C10orf90: variants seen among roughly 807,000 people sequenced by gnomAD.
C10orf90 encodes the protein chromosome 10 open reading frame 90.
C10orf90 carries 56 observed loss-of-function variants against 62.5 expected under a neutral mutation model. That is an observed-to-expected ratio of 0.90 (90% CI 0.72 to 1.12). The LOEUF (loss-of-function observed/expected upper bound fraction) is 1.12, where lower values mean the gene tolerates loss of function less well. C10orf90 is among the 50% of genes most tolerant of loss of function. The pLI is 0.00. For synonymous variants in C10orf90, 386 were observed against 340.4 expected, an observed-to-expected ratio of 1.13 and a Z score of -1.47; for missense variants, 970 against 880.4, an observed-to-expected ratio of 1.10 and a Z score of -1.29.
intron 3 of C10orf90, among the ~76,000 whole-genome samples, chr10:126,510,571 T>C (rs775094460): frequency 1.1e-4 from 17 of 152,226 alleles, no homozygotes; most frequent in Admixed American, 2.0e-4. Flanking sequence ...AACGTTCGCA[T>C]TGGAGAGAGG....
chr10:126,566,501 G>A (rs1408272592), intron 2 of C10orf90, among the ~76,000 whole-genome samples: 1 of 152,206 alleles, frequency 6.6e-6, no homozygotes, highest in Non-Finnish European at 1.5e-5. Flanking sequence ...TACTGGGGCA[G>A]CCTTGCTGGA....
At chr10:126,563,172 C>A (rs1302055791) in intron 2 of C10orf90, among the ~76,000 whole-genome samples, 1 of 152,226 alleles carries the variant, frequency 6.6e-6, no homozygotes, top group East Asian at 1.9e-4. Flanking sequence ...ATGCTGGGCA[C>A]GTCCACTCAC....
At chr10:126,618,730 T>A (rs772681306) in intron 2 of C10orf90, among the ~76,000 whole-genome samples, 1 of 152,212 alleles carries the variant, frequency 6.6e-6, no homozygotes, top group Non-Finnish European at 1.5e-5. Context: ...GGAATCACCA[T>A]GCTGACTTTT....
intron 4 of C10orf90, among the ~76,000 whole-genome samples, chr10:126,488,384 G>C (rs1861549414): frequency 6.6e-6 from 1 of 151,972 alleles, no homozygotes; most frequent in South Asian, 2.1e-4. Context: ...GGAAATTATA[G>C]CTTCAAATTA....
At chr10:126,473,095 C>T (rs893777529) in intron 4 of C10orf90, among the ~76,000 whole-genome samples, 1 of 152,082 alleles carries the variant, frequency 6.6e-6, no homozygotes. Flanking sequence ...AAAATTCCTG[C>T]CCTCATGCCT....
intron 2 of C10orf90, among the ~76,000 whole-genome samples, chr10:126,548,990 A>G (rs529445136): frequency 1.1e-4 from 17 of 152,330 alleles, no homozygotes; most frequent in African/African-American, 3.6e-4. Context: ...CTTGACCTAA[A>G]TCTCACATCT....
intron 2 of C10orf90, among the ~76,000 whole-genome samples, chr10:126,539,860 A>G (rs536346289): frequency 1.3e-5 from 2 of 152,332 alleles, no homozygotes; most frequent in South Asian, 4.1e-4. Context: ...AGAGGCAAGC[A>G]TTCCCAGGCT....
chr10:126,542,489 C>T (rs1032329323), intron 2 of C10orf90, among the ~76,000 whole-genome samples: 3 of 151,568 alleles, frequency 2.0e-5, no homozygotes, highest in Non-Finnish European at 2.9e-5. Context: ...GGCGACAGAG[C>T]GAGACTCTGT....
At chr10:126,441,454 A>T (rs572421533) in intron 7 of C10orf90, among the ~76,000 whole-genome samples, 8 of 152,290 alleles carry the variant, frequency 5.3e-5, no homozygotes, top group African/African-American at 1.7e-4. Flanking sequence ...AGTTTGGAAA[A>T]CATATTGGGG....
At chr10:126,631,076 A>G (rs1214224869) in intron 2 of C10orf90, among the ~76,000 whole-genome samples, 2 of 152,230 alleles carry the variant, frequency 1.3e-5, no homozygotes, top group East Asian at 3.8e-4. Context: ...TTTCTTAAAT[A>G]GGGTTGGCCA....
At chr10:126,565,198 A>G (rs1198112344) in intron 2 of C10orf90, among the ~76,000 whole-genome samples, 1 of 61,286 alleles carries the variant, frequency 1.6e-5, no homozygotes, top group East Asian at 6.2e-4. Context: ...TATTTATATT[A>G]CATATTATGT....
At chr10:126,458,545 C>T (rs146124382) in intron 7 of C10orf90, among the ~76,000 whole-genome samples, 21 of 152,322 alleles carry the variant, frequency 1.4e-4, no homozygotes, top group African/African-American at 5.1e-4. Context: ...AGTAAGTGCC[C>T]TCCCTCACAG....
intron 4 of C10orf90, among the ~76,000 whole-genome samples, chr10:126,501,843 T>A (rs1862400804): frequency 6.6e-6 from 1 of 152,048 alleles, no homozygotes; most frequent in South Asian, 2.1e-4. Context: ...TATGTTCTCA[T>A]AAGTGGGAGC....
At position 126,425,320 on chromosome 10, in the gene C10orf90, C is replaced by T. The variant is rs1857206048; in HGVS notation, c.*544G>A. 1 of 153,270 alleles carries T rather than the reference C, an allele frequency of 6.5e-6. No homozygotes were observed. Among genetic ancestry groups the T allele is most frequent in the Admixed American group, 6.5e-5 (1 of 15,394 alleles). 9.5% of individuals were successfully genotyped at this position (153,270 alleles called of 1,614,324 possible). A position where few individuals can be genotyped will look rare whatever the true frequency, so the allele number is the denominator to read the frequency against. Reference sequence around the variant, plus strand: ...AGAGATGGGCTGATTGTTCCACAGCCTCGGGCATTGCACCCACCGGTTTCC... The same window carrying T: ...AGAGATGGGCTGATTGTTCCACAGCTTCGGGCATTGCACCCACCGGTTTCC... On this transcript the variant is annotated 3_prime_UTR_variant, in exon 10 of 10. Transcript: ENST00000488181.
chr10:126,512,372 CTGTGTGTGTGTGTCTG>C (rs1564847017), intron 3 of C10orf90, among the ~76,000 whole-genome samples: 8,308 of 64,832 alleles, frequency 0.13, 798 homozygotes, highest in African/African-American at 0.35. Context: ...GTATGTGTGT[CTGTGTGTGTGTGTCTG>C]TGTGTGTGTG....
At chr10:126,668,459 AG>A (rs1417571901) in intron 1 of C10orf90, among the ~76,000 whole-genome samples, 1 of 152,228 alleles carries the variant, frequency 6.6e-6, no homozygotes, top group Non-Finnish European at 1.5e-5. Context: ...AAATTGAGCA[AG>A]GAAGTTTCCT....
chr10:126,639,063 C>CT (rs1329966242), intron 2 of C10orf90, among the ~76,000 whole-genome samples: 1 of 152,240 alleles, frequency 6.6e-6, no homozygotes, highest in Non-Finnish European at 1.5e-5. Flanking sequence ...TTACACCTTT[C>CT]TTTCTTAAAA....
intron 2 of C10orf90, among the ~76,000 whole-genome samples, chr10:126,623,646 A>G (rs1234997200): frequency 2.0e-5 from 3 of 152,004 alleles, no homozygotes; most frequent in Admixed American, 1.3e-4. Context: ...ATTTGAGACC[A>G]GCCTGGCCAA....
intron 2 of C10orf90, among the ~76,000 whole-genome samples, chr10:126,587,077 C>T (rs74542892): frequency 0.015 from 2,267 of 152,246 alleles, 49 homozygotes; most frequent in African/African-American, 0.05. Flanking sequence ...TCTGAGGTTT[C>T]ATACTTGTGT....
Sources: gnomAD v4.1 joint callset for allele counts (sites outside exome capture counted in the v4.1 genomes callset) on GRCh38, gnomAD v4.1.1 for gene constraint, MANE v1.5 for transcripts, NCBI Gene and HGNC (gene_info 2026-07-23, HGNC 2026-07-21) for gene names.